EPHA2: variants seen among roughly 807,000 people sequenced by gnomAD.
EPHA2 encodes the protein ephrin type-A receptor 2.
EPHA2 carries 54 observed loss-of-function variants against 104.9 expected under a neutral mutation model. The observed-to-expected ratio is 0.51, with a 90% CI of 0.41 to 0.65. The LOEUF is 0.65. Among genes scored for constraint, EPHA2 ranks in the 30% least tolerant of loss-of-function variants. The pLI is 0.00. For synonymous variants in EPHA2, 560 were observed against 559.1 expected (o/e 1.00, Z -0.02); for missense variants, 1,117 against 1,369.5 (o/e 0.82, Z 2.91).
rs771347671 is a variant in EPHA2, at chr1:16,131,768, C to T, written c.2428G>A (p.Val810Met). Residue 810 changes from valine to methionine, a missense_variant, in exon 14 of 17, where the codon GTG becomes ATG. Around this residue, in one of 3 missense-constraint regions of EPHA2, gnomAD observed 340 missense variants for 480.5 expected, o/e 0.71. Transcript: ENST00000358432. The surrounding 1 kb of genome is among the most constrained non-coding windows in gnomAD (Gnocchi z 5.2). Reference sequence around the variant, plus strand: ...TAGGGCCGCTCGCCATAGGTCATCACCTCCCACATGACAATGCCAAAGCTC... The same window carrying T: ...TAGGGCCGCTCGCCATAGGTCATCATCTCCCACATGACAATGCCAAAGCTC... ...VWSFGIVMWE[V>M]MTYGERPYWE... 6.2e-7 allele frequency: 1 copy of T among 1,614,128 alleles called. No homozygotes were observed. The highest frequency in any genetic ancestry group is 1.7e-5 in the Admixed American group (1 of 60,026).
Position 16,131,949 on chromosome 1 carries a change from T to C in EPHA2, c.2326-79A>G, listed in dbSNP as rs1213669087. The C allele has an allele frequency of 6.3e-7, 1 of 1,599,300 alleles. No individual in the cohort carries two copies. The highest frequency in any genetic ancestry group is 1.7e-5 in the Admixed American group (1 of 57,434). Reference sequence around the variant, plus strand: ...CATTGCAGCCAAGCCCCACGACCCCTCCCTGGACTCCTACAGGTGTTCTGC... The same window carrying C: ...CATTGCAGCCAAGCCCCACGACCCCCCCCTGGACTCCTACAGGTGTTCTGC... On this transcript the variant is annotated intron_variant, in intron 13 of 16. Coordinates refer to ENST00000358432, the MANE Select transcript of EPHA2 (RefSeq NM_004431.5). This position sits in a 1 kb window ranked among gnomAD's most constrained non-coding sequence, Gnocchi z 5.2.
intron 3 of EPHA2, chr1:16,146,284 C>G (rs2024931388): frequency 6.6e-6 from 1 of 152,132 alleles, no homozygotes; most frequent in African/African-American, 2.4e-5. Context: ...ATCTTCCCAA[C>G]AGGGGGCTGC....
rs1426845964 is a variant in EPHA2 at position 16,155,864 on chromosome 1, C to CGCCGCG, written c.63_68dup (p.Ala23_Ala24dup). On this transcript the variant is annotated inframe_insertion, in exon 1 of 17. Coordinates refer to ENST00000358432, the MANE Select transcript of EPHA2 (RefSeq NM_004431.5). ...CGCACTCACCTTCCTTGCCCTGCGC[C>CGCCGCG]GCCGCGGCCGCGGCCAGCGCACAGC... The CGCCGCG allele has an allele frequency of 4.1e-6, 6 of 1,456,904 alleles. No homozygotes were observed. Among genetic ancestry groups the CGCCGCG allele is most frequent in the African/African-American group, 1.5e-5 (1 of 67,664 alleles). The allele number at this position is 1,456,904 out of a possible 1,614,324, so 90.2% of individuals were successfully genotyped here.
rs149811213 is a variant in EPHA2, at chr1:16,138,423, C to G, written c.831G>C (p.Ser277=). The G allele has an allele frequency of 8.1e-6, 13 of 1,613,644 alleles. No homozygotes were observed. Among genetic ancestry groups the G allele is most frequent in the Non-Finnish European group, 1.1e-5 (13 of 1,180,026 alleles). ...ATGCCTCAAACTTAAAAAATCCAGG[C>G]GAGCAGGCTGGTGGACACAGGACAG... is the stretch of plus-strand genomic sequence containing the variant. ...EKVEDACQAC[S]PGFFKFEASE... The change falls in exon 4 of 17, where the codon TCG becomes TCC. Residue 277 remains serine (S), a synonymous_variant. Transcript: ENST00000358432.
rs370852727 is a variant in EPHA2, at chr1:16,150,855, C to T, written c.153+41G>A. The T allele has an allele frequency of 1.1e-5, 18 of 1,600,078 alleles. No homozygotes were observed. The African/African-American group carries it at 2.4e-4, about 21-fold the overall frequency. ...CTCCATCTCTACAGGGGACCAGCAG[C>T]CCCATTCTCACACCTCTCCCCACCC... On this transcript the variant is annotated intron_variant, in intron 2 of 16. Coordinates refer to ENST00000358432, the MANE Select transcript of EPHA2 (RefSeq NM_004431.5). This position sits in a 1 kb window ranked among gnomAD's most constrained non-coding sequence, Gnocchi z 4.8.
Position 16,135,541 on chromosome 1 carries a change from A to C in EPHA2, c.1428+114T>G. 9.6e-7 allele frequency: 1 copy of C among 1,038,188 alleles called. No individual in the cohort carries two copies. Among genetic ancestry groups the C allele is most frequent in the South Asian group, 1.3e-5 (1 of 77,256 alleles). 64.3% of individuals were successfully genotyped at this position (1,038,188 alleles called of 1,614,324 possible). A position where few individuals can be genotyped will look rare whatever the true frequency, so the allele number is the denominator to read the frequency against. On this transcript the variant is annotated intron_variant, in intron 6 of 16. Coordinates refer to ENST00000358432, the MANE Select transcript of EPHA2 (RefSeq NM_004431.5). The surrounding 1 kb of genome is among the most constrained non-coding windows in gnomAD (Gnocchi z 4.3). ...GCAGACCCCAGGCCTCAGTTTCCCC[A>C]TCTGCAGAAGGGTGCTTCTTCAGAT...
Position 16,132,171 on chromosome 1 carries a change from G to A in EPHA2, c.2218C>T (p.Leu740=), listed in dbSNP as rs372578793. The change falls in exon 13 of 17, where the codon CTG becomes TTG. Residue 740 remains leucine, a synonymous_variant. Transcript: ENST00000358432. Reference sequence around the variant, plus strand: ...TTGACGAGGATGTTGCGGGCAGCCAGGTCACGGTGCACATAGTTCATGTTG... The same window carrying A: ...TTGACGAGGATGTTGCGGGCAGCCAAGTCACGGTGCACATAGTTCATGTTG... ...LANMNYVHRD[L]AARNILVNSN... is the part of the protein sequence containing the mutation. 1.9e-6 allele frequency: 3 copies of A among 1,614,120 alleles called. No homozygotes were observed. The African/African-American group carries it at 4.0e-5, about 22-fold the overall frequency.
In EPHA2 at chr1:16,156,019, C is replaced by T. The variant is rs908166184; in HGVS notation, c.-87G>A. On this transcript the variant is annotated 5_prime_UTR_variant, in exon 1 of 17. Transcript: ENST00000358432. ...GCACGCCGGCCTCGGTGTCCGCTCC[C>T]GCCCGCCGGCCTGCGCGCAACTTCT... 4 of 1,202,978 alleles carry T rather than the reference C, an allele frequency of 3.3e-6. No individual in the cohort carries two copies. In the African/African-American group the frequency reaches 4.8e-5, roughly 15 times the overall value. 74.5% of individuals were successfully genotyped at this position (1,202,978 alleles called of 1,614,324 possible).
chr1:16,151,921 C>T (rs1018914961), intron 1 of EPHA2, among the ~76,000 whole-genome samples: 1 of 152,192 alleles, frequency 6.6e-6, no homozygotes, highest in Non-Finnish European at 1.5e-5. Flanking sequence ...TTGGGCACCT[C>T]CCACTGATCC....
At position 16,151,988 on chromosome 1, in the gene EPHA2, C is replaced by T. The variant is rs533383738; in HGVS notation, c.86-1025G>A. Among the ~76,000 whole-genome samples, 3 of 152,348 alleles carry T rather than the reference C, an allele frequency of 2.0e-5. No individual in the cohort carries two copies. The South Asian group carries it at 6.2e-4, about 32-fold the overall frequency. Reference sequence around the variant, plus strand: ...TAGACAAAACCTAAGACCCTAGGTACTGTCCCCACTCTATTTCCAAGTAAA... The same window carrying T: ...TAGACAAAACCTAAGACCCTAGGTATTGTCCCCACTCTATTTCCAAGTAAA... On this transcript the variant is annotated intron_variant, in intron 1 of 16. Transcript: ENST00000358432.
intron 3 of EPHA2, among the ~76,000 whole-genome samples, chr1:16,147,015 A>G (rs1462959188): frequency 1.3e-5 from 2 of 152,246 alleles, no homozygotes; most frequent in East Asian, 1.9e-4. Flanking sequence ...TGCCAGAGAG[A>G]GGGAATGAGC....
At chr1:16,155,801 G>A in intron 1 of EPHA2, 47 bp downstream of exon 1, 1 of 1,327,172 alleles carries the variant, frequency 7.5e-7, no homozygotes, top group African/African-American at 1.5e-5. Context: ...GGCTCTAGGG[G>A]GCACTGGGGC....
intron 5 of EPHA2, among the ~76,000 whole-genome samples, chr1:16,136,043 G>T (rs1044691049): frequency 1.3e-5 from 2 of 151,972 alleles, no homozygotes; most frequent in South Asian, 2.1e-4. Context: ...GCTAATTTTT[G>T]TATTTTTTGT....
Position 16,148,289 on chromosome 1 carries a change from A to C in EPHA2, c.823+89T>G. On this transcript the variant is annotated intron_variant, in intron 3 of 16. Coordinates refer to ENST00000358432, the MANE Select transcript of EPHA2 (RefSeq NM_004431.5). This position sits in a 1 kb window ranked among gnomAD's most constrained non-coding sequence, Gnocchi z 4.9. ...ACTAATGTGTGTCAAAGCAGGGATGAGCTTACCAAGATTCCATGATTCCAA... is the reference window on the plus strand; with the variant it reads ...ACTAATGTGTGTCAAAGCAGGGATGCGCTTACCAAGATTCCATGATTCCAA... 6.5e-7 allele frequency: 1 copy of C among 1,530,210 alleles called. No homozygotes were observed. The highest frequency in any genetic ancestry group is 9.0e-7 in the Non-Finnish European group (1 of 1,112,518). The allele number at this position is 1,530,210 out of a possible 1,614,324, so 94.8% of individuals were successfully genotyped here.
chr1:16,135,714 T>C lies in EPHA2; in HGVS notation c.1369A>G (p.Ser457Gly), dbSNP rs753218518. 2.5e-6 allele frequency: 4 copies of C among 1,613,486 alleles called. No homozygotes were observed. In the Admixed American group the frequency reaches 5.0e-5, roughly 20 times the overall value. Residue 457 changes from serine (S) to glycine (G), a missense_variant, in exon 6 of 17, where the codon AGC becomes GGC. Transcript: ENST00000358432. This position sits in a 1 kb window ranked among gnomAD's most constrained non-coding sequence, Gnocchi z 4.3. ...CGGCTCTGCTGCGGCGGGGGGATGC[T>C]CCAGGAGACGCTAAGCGAGGTGGTG... is the stretch of plus-strand genomic sequence containing the variant. ...RSTTSLSVSW[S>G]IPPPQQSRVW...
intron 9 of EPHA2, 82 bp from the exon 10 acceptor site, chr1:16,133,688 G>A (rs536088954): frequency 8.4e-5 from 133 of 1,592,748 alleles, no homozygotes; most frequent in South Asian, 8.9e-5. Context: ...AGAAGGTCAC[G>A]TGATCTTCAG....
In EPHA2 at chr1:16,125,260, C is replaced by G. The variant is rs1329542226; in HGVS notation, c.2886G>C (p.Leu962=). 3.7e-6 allele frequency: 6 copies of G among 1,613,992 alleles called. No homozygotes were observed. In the South Asian group the frequency reaches 6.6e-5, roughly 18 times the overall value. Residue 962 remains leucine (L), a synonymous_variant, in exon 17 of 17, where the codon CTG becomes CTC. Transcript: ENST00000358432. The surrounding 1 kb of genome is among the most constrained non-coding windows in gnomAD (Gnocchi z 4.9). ...PGHQKRIAYS[L]LGLKDQVNTV... ...TGTTCACCTGGTCCTTGAGTCCCAG[C>G]AGGCTGTAGGCGATGCGCTTCTGGT...
intron 16 of EPHA2, 66 bp downstream of exon 16, chr1:16,129,368 G>C (rs573951406): frequency 1.1e-4 from 180 of 1,569,950 alleles, no homozygotes; most frequent in Non-Finnish European, 1.5e-4. Context: ...GGCTGGGGGG[G>C]GCATGGAGGC....
In EPHA2 at chr1:16,134,697, C is replaced by T. The variant is rs1478710028; in HGVS notation, c.1583-130G>A. 1.6e-5 allele frequency: 16 copies of T among 1,003,160 alleles called. No homozygotes were observed. The highest frequency in any genetic ancestry group is 1.4e-4 in the African/African-American group (9 of 62,320). 62.1% of individuals were successfully genotyped at this position (1,003,160 alleles called of 1,614,324 possible). A position where few individuals can be genotyped will look rare whatever the true frequency, so the allele number is the denominator to read the frequency against. On this transcript the variant is annotated intron_variant, in intron 7 of 16. Coordinates refer to ENST00000358432, the MANE Select transcript of EPHA2 (RefSeq NM_004431.5). The surrounding 1 kb of genome is among the most constrained non-coding windows in gnomAD (Gnocchi z 4.5). ...GCACTTGGGAAGGCTCCAGAGGGTA[C>T]TTAGTCCCATTTCATAGACGGTCAA...
Sources: allele counts gnomAD v4.1 joint callset (sites outside exome capture counted in the v4.1 genomes callset), GRCh38; gene constraint gnomAD v4.1.1; regional missense constraint gnomAD v4.1.1; non-coding constraint Gnocchi (gnomAD v3.1); transcripts MANE v1.5; gene names NCBI Gene and HGNC (gene_info 2026-07-23, HGNC 2026-07-21).